The following ARL17A variants were observed in gnomAD, a reference collection of about 807,000 sequenced individuals.
ARL17A encodes ADP-ribosylation factor-like 17-like.
chr17:46,545,846 C>A (rs2056228572), intron 3 of ARL17A, among the ~76,000 whole-genome samples: 1 of 150,218 alleles, frequency 6.7e-6, no homozygotes, highest in Middle Eastern at 3.4e-3. Flanking sequence ...ATTTTTAATG[C>A]CCAGAGTAAT....
At chr17:46,569,149 T>C (rs1175434252) in intron 3 of ARL17A, among the ~76,000 whole-genome samples, 1 of 151,414 alleles carries the variant, frequency 6.6e-6, no homozygotes, top group Non-Finnish European at 1.5e-5. Flanking sequence ...GGTTTCACCA[T>C]GTTGGCCAGG....
chr17:46,545,285 C>CAA lies in ARL17A; in HGVS notation c.260-6861_260-6860dup, dbSNP rs71277059. Among the ~76,000 whole-genome samples, 474 of 116,518 alleles carry CAA rather than the reference C, an allele frequency of 4.1e-3. 14 individuals carry two copies. The highest frequency in any genetic ancestry group is 0.017 in the Middle Eastern group (4 of 238). 76.4% of individuals were successfully genotyped at this position (116,518 alleles called of 152,430 possible). On this transcript the variant is annotated intron_variant, in intron 3 of 4. Coordinates refer to the ARL17A transcript ENST00000329240. ...TGTCACTACTGAAAATACAAAAGTA[C>CAA]AAAAAAAAAAAAAAAATTAGCTGGG...
At chr17:46,559,009 G>A (rs1215048833) in intron 3 of ARL17A, 13 of 85,708 alleles carry the variant, frequency 1.5e-4, no homozygotes, top group African/African-American at 7.2e-4. Context: ...ATGCACACTC[G>A]GCGGTACTGC....
At chr17:46,503,036 C>A in the ARL17A span, among the ~76,000 whole-genome samples, 1 of 150,664 alleles carries the variant, frequency 6.6e-6, no homozygotes, top group South Asian at 2.1e-4. Flanking sequence ...CACGGTGAAA[C>A]CCCATCTCTA....
downstream of ARL17A, among the ~76,000 whole-genome samples, chr17:46,525,602 T>TAATA (rs1346950818): frequency 0.028 from 2,844 of 100,620 alleles, 79 homozygotes; most frequent in African/African-American, 0.059. Context: ...ATAATAATAA[T>TAATA]ATAATAATAA....
chr17:46,501,462 A>G, the ARL17A span, among the ~76,000 whole-genome samples: 1 of 151,262 alleles, frequency 6.6e-6, no homozygotes, highest in Non-Finnish European at 1.5e-5. Context: ...GGTGTGGGCC[A>G]CCACGCCTGA....
chr17:46,542,569 C>T (rs1365175535), intron 3 of ARL17A, among the ~76,000 whole-genome samples: 1 of 149,264 alleles, frequency 6.7e-6, no homozygotes, highest in South Asian at 2.1e-4. Context: ...GTGGCACACG[C>T]CTGTAGTCCC....
At chr17:46,532,343 C>G (rs556436693) in intron 4 of ARL17A, among the ~76,000 whole-genome samples, 1 of 150,546 alleles carries the variant, frequency 6.6e-6, no homozygotes, top group East Asian at 1.9e-4. Flanking sequence ...AAGCATTTTT[C>G]CATCTACATT....
intron 3 of ARL17A, among the ~76,000 whole-genome samples, chr17:46,542,752 G>A (rs918783670): frequency 4.0e-5 from 6 of 150,250 alleles, no homozygotes; most frequent in African/African-American, 1.3e-4. Flanking sequence ...TGCCTGCGGG[G>A]CCCTATTGTG....
the ARL17A span, among the ~76,000 whole-genome samples, chr17:46,501,953 G>C: frequency 1.3e-5 from 2 of 151,240 alleles, 1 homozygote; most frequent in African/African-American, 4.9e-5. Flanking sequence ...TGACTGAAAT[G>C]ATTACCTGTG....
intron 3 of ARL17A, among the ~76,000 whole-genome samples, chr17:46,569,417 G>A (rs889000493): frequency 6.6e-6 from 1 of 150,630 alleles, no homozygotes; most frequent in African/African-American, 2.5e-5. Context: ...AAGGCATCAT[G>A]TCTGGGATGG....
At chr17:46,573,594 CAG>C (rs1476207716) in intron 2 of ARL17A, among the ~76,000 whole-genome samples, 1 of 21,932 alleles carries the variant, frequency 4.6e-5, no homozygotes, top group East Asian at 1.2e-3. Context: ...GTTTTTGAGA[CAG>C]AGTCTCGCTC....
downstream of ARL17A, among the ~76,000 whole-genome samples, chr17:46,551,010 G>A (rs1328404038): frequency 4.7e-5 from 7 of 149,854 alleles, no homozygotes; most frequent in East Asian, 5.8e-4. Context: ...GTCTAAATAG[G>A]TCCAGTTAAA....
chr17:46,500,793 A>C, the ARL17A span, among the ~76,000 whole-genome samples: 1 of 151,120 alleles, frequency 6.6e-6, no homozygotes, highest in African/African-American at 2.5e-5. Context: ...ATTTTTACTC[A>C]TCTGGATCTT....
rs533745960 is a variant in ARL17A, at chr17:46,532,140, C to T, written c.336-3281G>A. ...TCTCGAACTCCTAACCTCAGATGAT[C>T]CACCTGCTTCAGCCTCCCAAAATGC... On this transcript the variant is annotated intron_variant, in intron 4 of 4. Coordinates refer to the ARL17A transcript ENST00000329240. 4.8e-4 allele frequency among the ~76,000 whole-genome samples: 72 copies of T among 149,786 alleles called. 5 individuals carry two copies. The highest frequency in any genetic ancestry group is 1.7e-3 in the African/African-American group (69 of 39,624).
At position 46,521,187 on chromosome 17, in the gene ARL17A, A is replaced by T. The variant is rs920175284; in HGVS notation, c.260-3954T>A. On this transcript the variant is annotated intron_variant, in intron 3 of 4. Coordinates refer to the ARL17A transcript ENST00000445552. ...TTTCTGTCTGTTTAGAGACAAGAAG[A>T]TACTATGTTCATTGCTATGAATGCT... Among the ~76,000 whole-genome samples, 5 of 67,084 alleles carry T rather than the reference A, an allele frequency of 7.5e-5. 1 individual carries two copies. Among genetic ancestry groups the T allele is most frequent in the African/African-American group, 2.4e-4 (5 of 21,032 alleles). 44.0% of individuals were successfully genotyped at this position (67,084 alleles called of 152,430 possible).
chr17:46,534,342 CG>C (rs2054232280), intron 4 of ARL17A, among the ~76,000 whole-genome samples: 1 of 131,400 alleles, frequency 7.6e-6, no homozygotes, highest in Non-Finnish European at 1.7e-5. Flanking sequence ...GAGGACCCTG[CG>C]GCCTTCCACA....
downstream of ARL17A, among the ~76,000 whole-genome samples, chr17:46,516,170 G>A (rs1367652208): frequency 2.0e-5 from 3 of 150,028 alleles, no homozygotes; most frequent in Admixed American, 6.7e-5. Flanking sequence ...AGGCATGGTG[G>A]TGGGTGCCTG....
chr17:46,549,241 C>G (rs1200295910), downstream of ARL17A: 4 of 1,611,106 alleles, frequency 2.5e-6, no homozygotes, highest in African/African-American at 5.5e-5. Context: ...CCTGAGTCCT[C>G]AAGAAAACCC....
Sources: gnomAD v4.1 joint callset for allele counts (sites outside exome capture counted in the v4.1 genomes callset) on GRCh38, gnomAD v4.1.1 for gene constraint, MANE v1.5 for transcripts, NCBI Gene and HGNC (gene_info 2026-07-23, HGNC 2026-07-21) for gene names.